DPP6: variants seen among roughly 807,000 people sequenced by gnomAD.
The protein encoded by DPP6 is dipeptidyl peptidase like 6.
DPP6 carries 69 observed loss-of-function variants against 122.6 expected under a neutral mutation model. That is an observed-to-expected ratio of 0.56 (90% CI 0.46 to 0.69). The LOEUF (loss-of-function observed/expected upper bound fraction) is 0.69, where lower values mean the gene tolerates loss of function less well. DPP6 is among the 30% of genes least tolerant of loss of function. DPP6 has a pLI of 0.00. For synonymous variants in DPP6, 418 were observed against 433.1 expected, an observed-to-expected ratio of 0.97 and a Z score of 0.43; for missense variants, 928 against 1,116.9, an observed-to-expected ratio of 0.83 and a Z score of 2.41.
chr7:154,434,714 A>G (rs1818715798), intron 1 of DPP6, among the ~76,000 whole-genome samples: 1 of 152,146 alleles, frequency 6.6e-6, no homozygotes, highest in Non-Finnish European at 1.5e-5. Flanking sequence ...GACTCTCTAG[A>G]CAGTTGAGTC....
rs76094207 is a variant in DPP6, at chr7:154,194,307, G to A, written c.243+141244G>A. On this transcript the variant is annotated intron_variant, in intron 1 of 25. Coordinates refer to ENST00000377770, the MANE Select transcript of DPP6 (RefSeq NM_130797.4). ...TATAACCAGGGGGTGAAATAGAAGGGAATTATCATAAAAATCAAGATGAAT... is the reference window on the plus strand; with the variant it reads ...TATAACCAGGGGGTGAAATAGAAGGAAATTATCATAAAAATCAAGATGAAT... Among the ~76,000 whole-genome samples the A allele has an allele frequency of 7.8e-3, 1,184 of 152,236 alleles. 13 individuals are homozygous for A. Among genetic ancestry groups the A allele is most frequent in the African/African-American group, 0.027 (1,104 of 41,546 alleles).
At chr7:153,891,852 A>G (rs1295456543) in intron 1 of DPP6, among the ~76,000 whole-genome samples, 2 of 152,222 alleles carry the variant, frequency 1.3e-5, no homozygotes, top group Non-Finnish European at 2.9e-5. Flanking sequence ...GTGCAGGCCC[A>G]TGGTGACTAC....
chr7:153,864,282 T>C, the DPP6 span, among the ~76,000 whole-genome samples: 2 of 152,124 alleles, frequency 1.3e-5, no homozygotes, highest in East Asian at 3.9e-4. Flanking sequence ...ATTTTAGTGG[T>C]TGTGAAATGG....
the DPP6 span, among the ~76,000 whole-genome samples, chr7:153,791,424 C>CTTTTTTTTTTTTTTTTTTTTTT: frequency 7.6e-5 from 7 of 91,630 alleles, 1 homozygote; most frequent in East Asian, 3.0e-4. Context: ...TCCTTCCTTT[C>CTTTTTTTTTTTTTTTTTTTTTT]TTTTTTTTTT....
chr7:153,904,449 G>C, intron 1 of DPP6, among the ~76,000 whole-genome samples: 1 of 152,154 alleles, frequency 6.6e-6, no homozygotes, highest in South Asian at 2.1e-4. Context: ...CAGGACAACG[G>C]GAGAGGGTAA....
rs146231878 is a variant in DPP6, at chr7:153,947,640, G to A, written c.51+59906G>A. Reference sequence around the variant, plus strand: ...CCCGAAGAGACAGTGATGCCTCAGCGCTTTCTGTAGTATGCTGGATGAGGA... The same window carrying A: ...CCCGAAGAGACAGTGATGCCTCAGCACTTTCTGTAGTATGCTGGATGAGGA... On this transcript the variant is annotated intron_variant, in intron 1 of 25. Transcript: ENST00000404039. 1.9e-3 allele frequency among the ~76,000 whole-genome samples: 288 copies of A among 152,286 alleles called. 1 individual carries two copies. Among genetic ancestry groups the A allele is most frequent in the East Asian group, 0.014 (74 of 5,172 alleles).
At chr7:154,211,501 A>C (rs1274542571) in intron 1 of DPP6, among the ~76,000 whole-genome samples, 1 of 152,242 alleles carries the variant, frequency 6.6e-6, no homozygotes. Context: ...ATGTAATGCT[A>C]GGATCAGCCA....
chr7:154,182,182 C>T (rs1049216059), intron 1 of DPP6, among the ~76,000 whole-genome samples: 1 of 152,100 alleles, frequency 6.6e-6, no homozygotes, highest in Non-Finnish European at 1.5e-5. Flanking sequence ...TGCAAAATAC[C>T]ATTGCACACT....
chr7:153,766,825 C>T, the DPP6 span, among the ~76,000 whole-genome samples: 3 of 151,850 alleles, frequency 2.0e-5, no homozygotes, highest in African/African-American at 2.4e-5. Context: ...AAGCAAAAAC[C>T]GAAATATATT....
intron 2 of DPP6, among the ~76,000 whole-genome samples, chr7:154,450,784 TCA>T (rs1820292520): frequency 1.3e-5 from 2 of 152,208 alleles, no homozygotes; most frequent in South Asian, 4.1e-4. Context: ...GCTGATGATC[TCA>T]CACAGCTGGG....
chr7:154,860,453 C>T (rs1803284256), intron 17 of DPP6, among the ~76,000 whole-genome samples: 1 of 152,178 alleles, frequency 6.6e-6, no homozygotes, highest in African/African-American at 2.4e-5. Context: ...AGGTTGCAGA[C>T]AGGAGGGCTG....
chr7:154,508,360 G>A (rs1825816508), intron 3 of DPP6, among the ~76,000 whole-genome samples: 1 of 152,134 alleles, frequency 6.6e-6, no homozygotes, highest in Non-Finnish European at 1.5e-5. Context: ...GAGTCCTTCA[G>A]GGACTGGGGT....
At position 154,080,141 on chromosome 7, in the gene DPP6, G is replaced by C. The variant is rs1258578895; in HGVS notation, c.243+27078G>C. Among the ~76,000 whole-genome samples, 19 of 151,892 alleles carry C rather than the reference G, an allele frequency of 1.3e-4. 1 individual carries two copies. Among genetic ancestry groups the C allele is most frequent in the Non-Finnish European group, 7.4e-5 (5 of 67,938 alleles). On this transcript the variant is annotated intron_variant, in intron 1 of 25. Transcript: ENST00000377770. ...TTTTCATAACACTTTGCATGGAGAA[G>C]GAGTACAAGGGAAGTCAAGAGGACC...
intron 3 of DPP6, among the ~76,000 whole-genome samples, chr7:154,525,314 T>C (rs1406807746): frequency 6.6e-6 from 1 of 152,140 alleles, no homozygotes; most frequent in African/African-American, 2.4e-5. Flanking sequence ...CAGCTAACTT[T>C]TAAATTATTT....
chr7:153,912,300 A>C, intron 1 of DPP6, among the ~76,000 whole-genome samples: 1 of 152,210 alleles, frequency 6.6e-6, no homozygotes, highest in South Asian at 2.1e-4. Flanking sequence ...ACGAACTGGA[A>C]CCGTCGCAAA....
At chr7:154,499,900 G>A (rs11771157) in intron 3 of DPP6, among the ~76,000 whole-genome samples, 62,063 of 151,926 alleles carry the variant, frequency 0.41, 13,127 homozygotes, top group East Asian at 0.65. Context: ...AGTTATTATC[G>A]TGAAAGGATA....
intron 1 of DPP6, among the ~76,000 whole-genome samples, chr7:154,056,854 A>G (rs565429595): frequency 1.3e-5 from 2 of 152,316 alleles, no homozygotes; most frequent in East Asian, 1.9e-4. Flanking sequence ...ATATGTTTTT[A>G]TACTCTATTA....
chr7:153,804,749 T>C, the DPP6 span, among the ~76,000 whole-genome samples: 149 of 152,150 alleles, frequency 9.8e-4, no homozygotes, highest in South Asian at 4.2e-3. Flanking sequence ...CTGGGCGTAG[T>C]GGTGGGCACC....
At chr7:154,556,099 G>A (rs1280127073) in intron 4 of DPP6, among the ~76,000 whole-genome samples, 1 of 152,108 alleles carries the variant, frequency 6.6e-6, no homozygotes, top group African/African-American at 2.4e-5. Context: ...TACCTGCAGT[G>A]AAAACACACA....
Sources: allele counts gnomAD v4.1 joint callset (sites outside exome capture counted in the v4.1 genomes callset), GRCh38; gene constraint gnomAD v4.1.1; transcripts MANE v1.5; gene names NCBI Gene and HGNC (gene_info 2026-07-23, HGNC 2026-07-21).